The following LIMCH1 variants were observed in gnomAD, a reference collection of about 807,000 sequenced individuals.
LIMCH1 encodes LIM and calponin homology domains-containing protein 1.
In LIMCH1, 113 loss-of-function variants were observed where a neutral mutation model predicts 176.5. The observed-to-expected ratio is 0.64, with a 90% confidence interval of 0.55 to 0.75. LIMCH1 has a LOEUF of 0.75. LIMCH1 is among the 30% of genes least tolerant of loss of function. LIMCH1 has a pLI of 0.00. For missense variants in LIMCH1, 1,674 were observed against 1,814.9 expected (o/e 0.92, Z 1.41); for synonymous variants, 619 against 645.9 (o/e 0.96, Z 0.63).
intron 1 of LIMCH1, among the ~76,000 whole-genome samples, chr4:41,489,675 T>G (rs979841143): frequency 1.3e-5 from 2 of 152,094 alleles, no homozygotes; most frequent in African/African-American, 4.8e-5. Flanking sequence ...TTTTTATTTT[T>G]TTATTTTTTA....
intron 31 of LIMCH1, chr4:41,693,140 TAC>T (rs1462912489): frequency 4.6e-5 from 7 of 152,302 alleles, no homozygotes; most frequent in African/African-American, 1.7e-4. Context: ...CCATCATGAG[TAC>T]AGTCCTTCTG....
In LIMCH1 at chr4:41,646,104, A is replaced by G. The variant is rs760330189; in HGVS notation, c.2254-19A>G. 1.9e-6 allele frequency: 3 copies of G among 1,593,972 alleles called. No individual in the cohort carries two copies. The Admixed American group carries it at 5.5e-5, about 29-fold the overall frequency. The stretch of plus-strand genomic sequence containing the variant: ...GCACAAGTCTGAAGAAGAATATTAT[A>G]TCTTTCTTTCCCTGCCAGGACCTGG... On this transcript the variant is annotated intron_variant, in intron 15 of 31. Coordinates refer to ENST00000503057, the MANE Select transcript of LIMCH1 (RefSeq NM_001330672.2).
rs959400585 is a variant in LIMCH1 at position 41,613,654 on chromosome 4, C to G, written c.198C>G (p.Ser66Arg). 2 of 1,613,608 alleles carry G rather than the reference C, an allele frequency of 1.2e-6. No individual in the cohort carries two copies. The highest frequency in any genetic ancestry group is 1.3e-5 in the African/African-American group (1 of 74,906). ...TPSPDVVLRG[S>R]SDGRGSDSES... ...CACCAGATGTAGTCCTCAGGGGAAG[C>G]AGCGATGGTAGGTTGGAGTCTTAAT... The change falls in exon 5 of 32, where the codon AGC (serine) becomes AGG (arginine). Residue 66 changes from serine (S) to arginine (R), a missense_variant. Ser to Arg is a moderately radical substitution (Grantham distance 110). Coordinates refer to ENST00000503057, the MANE Select transcript of LIMCH1 (RefSeq NM_001330672.2).
intron 1 of LIMCH1, among the ~76,000 whole-genome samples, chr4:41,459,567 G>A (rs1430589864): frequency 6.6e-6 from 1 of 152,150 alleles, no homozygotes; most frequent in East Asian, 1.9e-4. Context: ...CTCCCAAAGG[G>A]TTGGGATTAT....
rs1344323864 is a variant in LIMCH1, at chr4:41,684,419, C to T, written c.3868C>T (p.His1290Tyr). Residue 1290 changes from histidine (H) to tyrosine (Y), a missense_variant, in exon 27 of 32, where the codon CAT becomes TAT. Around this residue, in one of 3 missense-constraint regions of LIMCH1, gnomAD observed 1,015 missense variants for 1,102.5 expected, o/e 0.92. Coordinates refer to ENST00000503057, the MANE Select transcript of LIMCH1 (RefSeq NM_001330672.2). The part of the protein sequence containing the change: ...KGSLTEGALA[H>Y]SGNPVSKGVH... ...CAGCCTAACTGAAGGGGCCTTGGCT[C>T]ATTCTGGGAACCCTGTATCAAAAGG... The T allele has an allele frequency of 3.7e-6, 6 of 1,613,598 alleles. No homozygotes were observed. Among genetic ancestry groups the T allele is most frequent in the Admixed American group, 1.7e-5 (1 of 59,970 alleles).
At chr4:41,692,108 A>G (rs1036698415) in intron 30 of LIMCH1, among the ~76,000 whole-genome samples, 174 bp from the exon 31 acceptor site, 28 of 152,198 alleles carry the variant, frequency 1.8e-4, no homozygotes, top group African/African-American at 6.5e-4. Context: ...TGCTAACTGT[A>G]TATTTGCTTT....
At chr4:41,576,552 G>A (rs944483887) in intron 1 of LIMCH1, among the ~76,000 whole-genome samples, 2 of 152,136 alleles carry the variant, frequency 1.3e-5, no homozygotes, top group Non-Finnish European at 2.9e-5. Context: ...AATAACCTAA[G>A]TGTCCATCAA....
rs976136305 is a variant in LIMCH1 at position 41,473,181 on chromosome 4, G to T, written c.97-21355G>T. 34 of 985,244 alleles carry T rather than the reference G, an allele frequency of 3.5e-5. No individual in the cohort carries two copies. In the Admixed American group the frequency reaches 2.0e-3, roughly 57 times the overall value. 61.0% of individuals were successfully genotyped at this position (985,244 alleles called of 1,614,324 possible). The stretch of plus-strand genomic sequence containing the variant: ...TTTTAAGGACCTGCCAATACCGAGA[G>T]TGAGAAGAGGAAAGGTGTGTGCTGT... On this transcript the variant is annotated intron_variant, in intron 1 of 26. Coordinates refer to the LIMCH1 transcript ENST00000313860.
chr4:41,509,120 G>A (rs990924927), intron 2 of LIMCH1, among the ~76,000 whole-genome samples: 7 of 152,306 alleles, frequency 4.6e-5, no homozygotes, highest in Admixed American at 4.6e-4. Context: ...AACCAGATGA[G>A]ATGCTGGAAC....
At chr4:41,499,679 G>A (rs1265085158) in intron 2 of LIMCH1, among the ~76,000 whole-genome samples, 2 of 152,150 alleles carry the variant, frequency 1.3e-5, no homozygotes, top group Admixed American at 6.6e-5. Flanking sequence ...TTAGCTGGGC[G>A]TGGTGGCGCA....
intron 1 of LIMCH1, among the ~76,000 whole-genome samples, chr4:41,460,772 T>G (rs998523193): frequency 5.9e-5 from 9 of 152,098 alleles, no homozygotes. Context: ...TTTCCTCTTA[T>G]AGAAAAGCCT....
chr4:41,498,919 T>C (rs958765638), intron 2 of LIMCH1, among the ~76,000 whole-genome samples: 2 of 152,274 alleles, frequency 1.3e-5, no homozygotes. Context: ...ATGTGTTTTA[T>C]GTTTTTAAAG....
chr4:41,539,666 C>A (rs193116091), intron 1 of LIMCH1, among the ~76,000 whole-genome samples: 1 of 152,202 alleles, frequency 6.6e-6, no homozygotes, highest in Non-Finnish European at 1.5e-5. Flanking sequence ...ACTATGCATT[C>A]CAGGCTGATA....
intron 1 of LIMCH1, among the ~76,000 whole-genome samples, chr4:41,421,940 A>G (rs1257837733): frequency 6.6e-6 from 1 of 152,008 alleles, no homozygotes; most frequent in East Asian, 1.9e-4. Flanking sequence ...GAAATTAGCC[A>G]GGTGTGGTGG....
At chr4:41,694,313 G>A (rs1728715911) in intron 31 of LIMCH1, among the ~76,000 whole-genome samples, 1 of 152,124 alleles carries the variant, frequency 6.6e-6, no homozygotes. Context: ...CATTAAAAGG[G>A]CAGATCTCCA....
intron 20 of LIMCH1, 92 bp from the exon 21 acceptor site, chr4:41,666,469 T>A: frequency 1.0e-5 from 8 of 767,776 alleles, no homozygotes; most frequent in Non-Finnish European, 1.8e-5. Context: ...GAATGACTTC[T>A]ATAACAGCCA....
At chr4:41,487,716 T>A (rs572142457) in intron 1 of LIMCH1, among the ~76,000 whole-genome samples, 214 of 144,936 alleles carry the variant, frequency 1.5e-3, no homozygotes, top group Non-Finnish European at 2.7e-3. Flanking sequence ...TGGAGTGCAG[T>A]GGTGTGATCT....
intron 1 of LIMCH1, among the ~76,000 whole-genome samples, chr4:41,372,105 C>T (rs2054057560): frequency 1.3e-5 from 2 of 152,168 alleles, no homozygotes; most frequent in African/African-American, 2.4e-5. Flanking sequence ...TTGATTGAAA[C>T]GTCTGCTTTT....
intron 2 of LIMCH1, among the ~76,000 whole-genome samples, chr4:41,505,805 C>T (rs1229523039): frequency 6.6e-6 from 1 of 152,084 alleles, no homozygotes; most frequent in Non-Finnish European, 1.5e-5. Context: ...TCTATAGAAA[C>T]ACTTGGTGAA....
Sources: allele counts gnomAD v4.1 joint callset (sites outside exome capture counted in the v4.1 genomes callset), GRCh38; gene constraint gnomAD v4.1.1; regional missense constraint gnomAD v4.1.1; transcripts MANE v1.5; gene names NCBI Gene and HGNC (gene_info 2026-07-23, HGNC 2026-07-21).